The following MMADHC variants were observed in gnomAD, a reference collection of about 807,000 sequenced individuals.
MMADHC encodes cobalamin trafficking protein CblD.
Under a neutral mutation model 36.3 loss-of-function variants are expected in MMADHC, and 23 were observed. That is an observed-to-expected ratio of 0.63 (90% confidence interval 0.46 to 0.90). The LOEUF is 0.90. MMADHC is among the 40% of genes least tolerant of loss of function. The probability of loss-of-function intolerance (pLI) is 0.00; values close to 1 mark genes in which losing one functional copy is unlikely to be tolerated. For synonymous variants in MMADHC, 97 were observed against 116.1 expected, an observed-to-expected ratio of 0.84 and a Z score of 1.06; for missense variants, 330 against 348.0, an observed-to-expected ratio of 0.95 and a Z score of 0.41.
chr2:149,580,093 A>C (rs1392583691), intron 3 of MMADHC, among the ~76,000 whole-genome samples: 3 of 152,150 alleles, frequency 2.0e-5, no homozygotes, highest in African/African-American at 7.2e-5. Context: ...ATCGCAGCTC[A>C]CTGAAGCCTT....
In MMADHC at chr2:149,569,945, A is replaced by C. The variant is rs754736569; in HGVS notation, c.*29T>G. On this transcript the variant is annotated 3_prime_UTR_variant, in exon 8 of 8. Transcript: ENST00000303319. ...AGATCAACCCAAATATTACATACAA[A>C]TAGTACAGCAAATGAATGGATATTT... The C allele has an allele frequency of 1.3e-6, 2 of 1,595,856 alleles. No individual in the cohort carries two copies. Among genetic ancestry groups the C allele is most frequent in the Non-Finnish European group, 1.7e-6 (2 of 1,163,864 alleles).
At chr2:149,585,443 T>A (rs1233243099) in intron 2 of MMADHC, among the ~76,000 whole-genome samples, 1 of 152,204 alleles carries the variant, frequency 6.6e-6, no homozygotes, top group East Asian at 1.9e-4. Context: ...TCCACATCTA[T>A]CCAGACATTT....
At chr2:149,572,589 C>G (rs1323003229) in intron 6 of MMADHC, among the ~76,000 whole-genome samples, 3 of 152,030 alleles carry the variant, frequency 2.0e-5, no homozygotes, top group Non-Finnish European at 2.9e-5. Context: ...AGAGCCCAAG[C>G]AAAGTAATGG....
Position 149,570,666 on chromosome 2 carries a change from A to G in MMADHC, c.696+419T>C, listed in dbSNP as rs544973530. 5.3e-5 allele frequency among the ~76,000 whole-genome samples: 8 copies of G among 152,298 alleles called. No homozygotes were observed. In the East Asian group the frequency reaches 1.5e-3, roughly 29 times the overall value. On this transcript the variant is annotated intron_variant, in intron 7 of 7. Transcript: ENST00000303319. ...TATTTCTTCAAAGTATAACCTTATA[A>G]ATGTTAATTTCCAAAAATTTACTGG...
chr2:149,587,075 G>C lies in MMADHC; in HGVS notation c.9+14C>G. ...GAGTTTACTATGCTGATTCTTAAGA[G>C]ATAATTTACTCACATTGGCCATCTC... On this transcript the variant is annotated intron_variant, in intron 2 of 7. Coordinates refer to ENST00000303319, the MANE Select transcript of MMADHC (RefSeq NM_015702.3). 1 of 1,613,280 alleles carries C rather than the reference G, an allele frequency of 6.2e-7. No homozygotes were observed. Among genetic ancestry groups the C allele is most frequent in the South Asian group, 1.1e-5 (1 of 91,070 alleles).
intron 5 of MMADHC, 59 bp from the exon 6 acceptor site, chr2:149,575,900 T>G: frequency 7.4e-7 from 1 of 1,345,158 alleles, no homozygotes; most frequent in South Asian, 1.3e-5. Context: ...AGAACAAATT[T>G]TTAAAGAAGG....
chr2:149,571,274 CAA>C (rs1216452087), intron 6 of MMADHC, 103 bp from the exon 7 acceptor site: 7 of 678,686 alleles, frequency 1.0e-5, no homozygotes, highest in Non-Finnish European at 1.6e-5. Context: ...GAAAAGAACT[CAA>C]GATTAATAAA....
intron 6 of MMADHC, among the ~76,000 whole-genome samples, 188 bp from the exon 7 acceptor site, chr2:149,571,359 T>TAAC (rs1682636016): frequency 6.6e-6 from 1 of 152,220 alleles, no homozygotes; most frequent in African/African-American, 2.4e-5. Flanking sequence ...GATTAATGGT[T>TAAC]AACACAACAC....
At chr2:149,573,882 A>AC (rs397769305) in intron 6 of MMADHC, among the ~76,000 whole-genome samples, 1 of 151,728 alleles carries the variant, frequency 6.6e-6, no homozygotes, top group Admixed American at 6.6e-5. Context: ...AAACAAAAAA[A>AC]CCAGCTGAAG....
chr2:149,575,682 A>G (rs759049740), intron 6 of MMADHC, 29 bp downstream of exon 6: 52 of 1,549,406 alleles, frequency 3.4e-5, no homozygotes, highest in Middle Eastern at 2.3e-4. Flanking sequence ...TGACCATAAA[A>G]TTAAATTATT....
At chr2:149,577,844 C>G (rs984513784) in intron 4 of MMADHC, among the ~76,000 whole-genome samples, 5 of 151,954 alleles carry the variant, frequency 3.3e-5, no homozygotes, top group African/African-American at 1.2e-4. Context: ...ATGGTGAAAC[C>G]CCACCTCTAC....
At chr2:149,573,282 G>A (rs1297952269) in intron 6 of MMADHC, among the ~76,000 whole-genome samples, 1 of 152,120 alleles carries the variant, frequency 6.6e-6, no homozygotes, top group African/African-American at 2.4e-5. Flanking sequence ...AAACCCAGGA[G>A]ATTCACAGCA....
At chr2:149,575,964 G>T in intron 5 of MMADHC, 123 bp from the exon 6 acceptor site, 2 of 728,968 alleles carry the variant, frequency 2.7e-6, no homozygotes, top group Non-Finnish European at 4.4e-6. Context: ...TGTGGTATTA[G>T]TTAATTTTTA....
intron 6 of MMADHC, among the ~76,000 whole-genome samples, chr2:149,573,387 GCTT>G (rs1244854499): frequency 1.3e-5 from 2 of 152,156 alleles, no homozygotes; most frequent in Admixed American, 6.5e-5. Context: ...GGAACAATCT[GCTT>G]CTTGTTTCCT....
At chr2:149,576,592 C>T (rs371180776) in intron 4 of MMADHC, 50 bp from the exon 5 acceptor site, 160 of 1,242,500 alleles carry the variant, frequency 1.3e-4, no homozygotes, top group Non-Finnish European at 1.7e-4. Flanking sequence ...TCAAATAAAA[C>T]GGTATCTTGC....
At chr2:149,570,866 CAT>C (rs1308939010) in intron 7 of MMADHC, among the ~76,000 whole-genome samples, 4 of 152,012 alleles carry the variant, frequency 2.6e-5, no homozygotes, top group African/African-American at 9.7e-5. Context: ...AAAGTAAAAA[CAT>C]TTTTAATTAA....
At chr2:149,580,164 C>G (rs1211580139) in intron 3 of MMADHC, among the ~76,000 whole-genome samples, 1 of 152,250 alleles carries the variant, frequency 6.6e-6, no homozygotes, top group East Asian at 1.9e-4. Flanking sequence ...CACCACTATG[C>G]CCAGCTAATT....
At chr2:149,576,342 A>G in intron 5 of MMADHC, 95 bp downstream of exon 5, 1 of 858,374 alleles carries the variant, frequency 1.2e-6, no homozygotes, top group Non-Finnish European at 2.0e-6. Context: ...AAAATATAAT[A>G]TTAAGGTATA....
chr2:149,572,541 C>T (rs1682659385), intron 6 of MMADHC, among the ~76,000 whole-genome samples: 1 of 152,142 alleles, frequency 6.6e-6, no homozygotes, highest in African/African-American at 2.4e-5. Context: ...CTCTAGCTTT[C>T]TGTCTGTGGA....
Sources: gnomAD v4.1 joint callset for allele counts (sites outside exome capture counted in the v4.1 genomes callset) on GRCh38, gnomAD v4.1.1 for gene constraint, MANE v1.5 for transcripts, NCBI Gene and HGNC (gene_info 2026-07-23, HGNC 2026-07-21) for gene names.